The following PPP1R12B variants were observed in gnomAD, a reference collection of about 807,000 sequenced individuals.
PPP1R12B encodes protein phosphatase 1 regulatory subunit 12B, also known as myosin phosphatase target subunit 2.
PPP1R12B carries 76 observed loss-of-function variants against 126.1 expected under a neutral mutation model. The observed-to-expected ratio is 0.60, with a 90% CI of 0.50 to 0.73. The LOEUF is 0.73. Among genes scored for constraint, PPP1R12B ranks in the 30% least tolerant of loss-of-function variants. PPP1R12B has a pLI of 0.00. For synonymous variants in PPP1R12B, 356 were observed against 434.7 expected (o/e 0.82, Z 2.25); for missense variants, 1,052 against 1,205.1 (o/e 0.87, Z 1.88).
At position 202,349,129 on chromosome 1, in the gene PPP1R12B, C is replaced by T. The variant is rs1655440063; in HGVS notation, c.278C>T (p.Thr93Ile). The T allele has an allele frequency of 6.2e-7, 1 of 1,613,854 alleles. No individual in the cohort carries two copies. Among genetic ancestry groups the T allele is most frequent in the Non-Finnish European group, 8.5e-7 (1 of 1,180,032 alleles). Reference sequence around the variant, plus strand: ...AACACGGTCAACGTGGACGGCTTGACAGCCCTGCACCAGGTAACTCCTTTC... The same window carrying T: ...AACACGGTCAACGTGGACGGCTTGATAGCCCTGCACCAGGTAACTCCTTTC... ...DINTVNVDGL[T>I]ALHQACIDEN... The change falls in exon 1 of 24, where the codon ACA becomes ATA. Residue 93 changes from threonine (T) to isoleucine (I), a missense_variant. Transcript: ENST00000608999.
intron 13 of PPP1R12B, among the ~76,000 whole-genome samples, chr1:202,454,347 C>A (rs1206458109): frequency 2.0e-5 from 3 of 152,088 alleles, no homozygotes; most frequent in Non-Finnish European, 4.4e-5. Context: ...TTAGGAATGG[C>A]ACAAGATAAG....
chr1:202,525,232 A>G (rs1683196734), intron 18 of PPP1R12B, among the ~76,000 whole-genome samples: 1 of 152,192 alleles, frequency 6.6e-6, no homozygotes, highest in East Asian at 1.9e-4. Context: ...TTCCAACTGG[A>G]AATTTTGGCA....
chr1:202,578,677 A>G (rs1382867403), intron 23 of PPP1R12B, among the ~76,000 whole-genome samples: 1 of 152,216 alleles, frequency 6.6e-6, no homozygotes, highest in Non-Finnish European at 1.5e-5. Context: ...TTGTAGGAAC[A>G]CTCAGTATCG....
chr1:202,535,694 C>T (rs1483263855), intron 18 of PPP1R12B, among the ~76,000 whole-genome samples: 1 of 152,154 alleles, frequency 6.6e-6, no homozygotes, highest in Non-Finnish European at 1.5e-5. Context: ...TCCTATCCTG[C>T]TTATCTGGAA....
At chr1:202,470,845 T>C (rs923845189) in intron 13 of PPP1R12B, among the ~76,000 whole-genome samples, 3 of 150,760 alleles carry the variant, frequency 2.0e-5, no homozygotes, top group Admixed American at 6.6e-5. Flanking sequence ...GTCGAGGCTG[T>C]AGTGAGCTAT....
intron 18 of PPP1R12B, among the ~76,000 whole-genome samples, chr1:202,533,501 T>C (rs1684212695): frequency 6.6e-6 from 1 of 152,058 alleles, no homozygotes; most frequent in South Asian, 2.1e-4. Flanking sequence ...GTTTTTTTGG[T>C]AGAGACGGGG....
rs1332797107 is a variant in PPP1R12B, at chr1:202,589,416, C to CTGTT, written c.*8860_*8863dup. On this transcript the variant is annotated 3_prime_UTR_variant, in exon 24 of 24. Coordinates refer to ENST00000608999, the MANE Select transcript of PPP1R12B (RefSeq NM_002481.4). ...ATTCTTCTCCCCTGATGTCACCCAG[C>CTGTT]TGTTTGTAACCCAAGCAGCAGCAGA... is the stretch of plus-strand genomic sequence containing the variant. The CTGTT allele has an allele frequency of 2.0e-5, 3 of 152,234 alleles. No homozygotes were observed. The highest frequency in any genetic ancestry group is 7.2e-5 in the African/African-American group (3 of 41,430). 9.4% of individuals were successfully genotyped at this position (152,234 alleles called of 1,614,324 possible).
intron 1 of PPP1R12B, among the ~76,000 whole-genome samples, chr1:202,372,552 C>G (rs1660471438): frequency 6.6e-6 from 1 of 151,656 alleles, no homozygotes; most frequent in Admixed American, 6.6e-5. Context: ...TGGCTCACAC[C>G]TGTAATCTCA....
chr1:202,532,422 A>G (rs1684052064), intron 18 of PPP1R12B, among the ~76,000 whole-genome samples: 1 of 152,176 alleles, frequency 6.6e-6, no homozygotes, highest in Non-Finnish European at 1.5e-5. Flanking sequence ...TCTCAGCCTT[A>G]TTTACCCAGC....
intron 1 of PPP1R12B, among the ~76,000 whole-genome samples, chr1:202,383,701 G>T (rs1380087292): frequency 6.6e-6 from 1 of 151,930 alleles, no homozygotes. Flanking sequence ...TCCAGCCTGG[G>T]CAACAGAATA....
intron 18 of PPP1R12B, among the ~76,000 whole-genome samples, chr1:202,516,337 G>A (rs1682140829): frequency 6.6e-6 from 1 of 152,124 alleles, no homozygotes; most frequent in African/African-American, 2.4e-5. Flanking sequence ...GTTATCAAAA[G>A]AAGAGAAAGA....
chr1:202,420,029 T>A (rs1668552172), intron 2 of PPP1R12B, among the ~76,000 whole-genome samples: 1 of 152,232 alleles, frequency 6.6e-6, no homozygotes, highest in African/African-American at 2.4e-5. Flanking sequence ...TAAGATAATG[T>A]GAACATAGAG....
chr1:202,425,350 G>T (rs1413633700), intron 3 of PPP1R12B, among the ~76,000 whole-genome samples: 2 of 152,182 alleles, frequency 1.3e-5, no homozygotes, highest in African/African-American at 4.8e-5. Context: ...TAATGGATCT[G>T]TATCACATAA....
intron 1 of PPP1R12B, among the ~76,000 whole-genome samples, chr1:202,350,928 C>A (rs1406618328): frequency 6.6e-6 from 1 of 151,818 alleles, no homozygotes; most frequent in African/African-American, 2.4e-5. Flanking sequence ...GCCTAGTAAT[C>A]TATTGAAATA....
rs532154588 is a variant in PPP1R12B, at chr1:202,385,452, G to A, written c.292-31335G>A. Among the ~76,000 whole-genome samples, 4 of 152,234 alleles carry A rather than the reference G, an allele frequency of 2.6e-5. No individual in the cohort carries two copies. In the East Asian group the frequency reaches 5.8e-4, roughly 22 times the overall value. On this transcript the variant is annotated intron_variant, in intron 1 of 23. Coordinates refer to ENST00000608999, the MANE Select transcript of PPP1R12B (RefSeq NM_002481.4). ...TGGAAAAAAGAAGCTCATTCAAATAGCACCAGCAAACACCATAAAAATCTT... is the reference window on the plus strand; with the variant it reads ...TGGAAAAAAGAAGCTCATTCAAATAACACCAGCAAACACCATAAAAATCTT...
intron 10 of PPP1R12B, chr1:202,438,851 T>A (rs1212543984): frequency 1.8e-6 from 2 of 1,112,580 alleles, no homozygotes; most frequent in Non-Finnish European, 2.8e-6. Flanking sequence ...TGGTCACTGC[T>A]GACTCCATCT....
At chr1:202,423,712 C>T (rs936494791) in intron 3 of PPP1R12B, among the ~76,000 whole-genome samples, 5 of 152,160 alleles carry the variant, frequency 3.3e-5, no homozygotes, top group African/African-American at 1.2e-4. Context: ...GAGACAGGGT[C>T]TCACTCTGTT....
intron 12 of PPP1R12B, among the ~76,000 whole-genome samples, chr1:202,447,305 C>G (rs1316833282): frequency 3.3e-5 from 5 of 152,228 alleles, no homozygotes; most frequent in Admixed American, 3.3e-4. Flanking sequence ...CAAGGTCACA[C>G]AGCTAGTGAG....
intron 13 of PPP1R12B, among the ~76,000 whole-genome samples, chr1:202,452,072 G>A (rs6690252): frequency 0.29 from 43,629 of 150,652 alleles, 7,372 homozygotes; most frequent in Non-Finnish European, 0.38. Context: ...CAGACGGGGC[G>A]GCGGGGCAGA....
Sources: gnomAD v4.1 joint callset for allele counts (sites outside exome capture counted in the v4.1 genomes callset) on GRCh38, gnomAD v4.1.1 for gene constraint, MANE v1.5 for transcripts, NCBI Gene and HGNC (gene_info 2026-07-23, HGNC 2026-07-21) for gene names.